FRMPD4: variants seen among roughly 807,000 people sequenced by gnomAD.
FRMPD4 encodes FERM and PDZ domain containing 4, also known as FERM and PDZ domain-containing protein 4.
A neutral mutation model predicts 94.1 loss-of-function variants in FRMPD4; 22 were observed. That is an observed-to-expected ratio of 0.23 (90% CI 0.17 to 0.33). The LOEUF is 0.33. Among genes scored for constraint, FRMPD4 ranks in the 10% least tolerant of loss-of-function variants. The pLI, the probability that FRMPD4 is intolerant of heterozygous loss-of-function variation, is 1.00. For missense variants in FRMPD4, 1,111 were observed against 1,339.9 expected (o/e 0.83, Z 2.67); for synonymous variants, 631 against 548.6 (o/e 1.15, Z -2.10).
intron 2 of FRMPD4, among the ~76,000 whole-genome samples, chrX:12,587,645 A>AGT (rs56902110): frequency 3.6e-3 from 378 of 103,956 alleles, no homozygotes; most frequent in East Asian, 0.016. Flanking sequence ...TTCCATTATG[A>AGT]GTGTGTGTGT....
At chrX:12,004,749 C>A (rs1224765632) in intron 3 of FRMPD4, among the ~76,000 whole-genome samples, 46 of 107,503 alleles carry the variant, frequency 4.3e-4, no homozygotes, top group Non-Finnish European at 2.7e-4. Flanking sequence ...CTGCCTCTCA[C>A]TGCCAGGGGT....
intron 3 of FRMPD4, among the ~76,000 whole-genome samples, chrX:12,031,764 G>A (rs1049703815): frequency 6.3e-5 from 7 of 111,898 alleles, no homozygotes; most frequent in Non-Finnish European, 7.5e-5. Flanking sequence ...TACGTAATCA[G>A]GTGTGTATTT....
In FRMPD4 at chrX:12,317,600, A is replaced by C. The variant is rs779470207; in HGVS notation, c.41+178588A>C. 1.5e-4 allele frequency among the ~76,000 whole-genome samples: 16 copies of C among 105,487 alleles called. No individual in the cohort carries two copies. In the South Asian group the frequency reaches 3.9e-3, roughly 26 times the overall value. 91.6% of individuals were successfully genotyped at this position (105,487 alleles called of 115,157 possible). ...AACTAAATAGCAAAAAAAAAAAAAA[A>C]AAACAAAAAAAACAAAAACCCAAGT... On this transcript the variant is annotated intron_variant, in intron 1 of 16. Transcript: ENST00000675598.
chrX:12,528,327 T>G (rs987485293), intron 2 of FRMPD4, among the ~76,000 whole-genome samples: 4 of 100,151 alleles, frequency 4.0e-5, no homozygotes, highest in Non-Finnish European at 8.1e-5. Flanking sequence ...TTGTTTTTTT[T>G]TTTTTTTTTT....
intron 2 of FRMPD4, among the ~76,000 whole-genome samples, chrX:12,584,124 C>A: frequency 8.9e-6 from 1 of 112,231 alleles, no homozygotes; most frequent in Non-Finnish European, 1.9e-5. Flanking sequence ...TTCCTCAAAG[C>A]CCCTTGAACC....
intron 1 of FRMPD4, among the ~76,000 whole-genome samples, chrX:12,170,830 A>G (rs2056207658): frequency 8.9e-6 from 1 of 112,921 alleles, no homozygotes. Context: ...CCTGTACATA[A>G]CATAAATGGC....
At chrX:12,012,194 C>T (rs957203082) in intron 3 of FRMPD4, among the ~76,000 whole-genome samples, 6 of 111,673 alleles carry the variant, frequency 5.4e-5, no homozygotes, top group African/African-American at 2.0e-4. Context: ...CCACTGCGCC[C>T]AGCCCTGAAT....
At chrX:12,650,317 G>GCATC (rs1279841118) in intron 4 of FRMPD4, among the ~76,000 whole-genome samples, 3 of 111,967 alleles carry the variant, frequency 2.7e-5, no homozygotes, top group African/African-American at 9.8e-5. Flanking sequence ...GCCACCTGAG[G>GCATC]CATCCTCTGT....
chrX:11,967,141 G>C (rs776789484), intron 3 of FRMPD4, among the ~76,000 whole-genome samples: 1 of 112,087 alleles, frequency 8.9e-6, no homozygotes, highest in African/African-American at 3.2e-5. Context: ...TTTGGAGATG[G>C]GATCTTGCTA....
At chrX:12,316,182 T>G (rs898387509) in intron 1 of FRMPD4, among the ~76,000 whole-genome samples, 1 of 111,978 alleles carries the variant, frequency 8.9e-6, no homozygotes, top group East Asian at 2.8e-4. Flanking sequence ...AGTCTCGTTC[T>G]GTTGCCCAGG....
At chrX:11,922,370 A>G (rs1391354558) in intron 3 of FRMPD4, among the ~76,000 whole-genome samples, 1 of 111,510 alleles carries the variant, frequency 9.0e-6, no homozygotes, top group Non-Finnish European at 1.9e-5. Context: ...GTCACTGACG[A>G]TCACAAGGAC....
chrX:12,025,937 T>C (rs920547087), intron 3 of FRMPD4, among the ~76,000 whole-genome samples: 8 of 111,893 alleles, frequency 7.1e-5, no homozygotes, highest in Non-Finnish European at 9.4e-5. Flanking sequence ...AATAATGACA[T>C]AATAAATGTT....
chrX:12,390,703 T>C lies in FRMPD4; in HGVS notation c.42-107977T>C, dbSNP rs148803885. On this transcript the variant is annotated intron_variant, in intron 1 of 16. Transcript: ENST00000675598. ...TGACACAAAATCTGACATTACCTTA[T>C]GATGTTTGTCACTTTTTTTCTGTAC... Among the ~76,000 whole-genome samples the C allele has an allele frequency of 2.0e-3, 219 of 112,030 alleles. 4 individuals carry two copies. The East Asian group carries it at 0.044, about 23-fold the overall frequency.
chrX:12,577,369 G>GTGAGGCTTAGGAAGGCTTTTGGGT (rs1440928558), intron 2 of FRMPD4, among the ~76,000 whole-genome samples: 5 of 110,951 alleles, frequency 4.5e-5, no homozygotes, highest in Non-Finnish European at 7.6e-5. Context: ...TATTTCTAGA[G>GTGAGGCTTAGGAAGGCTTTTGGGT]TGAGGCTTAG....
chrX:11,840,195 T>G (rs1441963292), intron 1 of FRMPD4, among the ~76,000 whole-genome samples: 2 of 111,414 alleles, frequency 1.8e-5, no homozygotes, highest in Non-Finnish European at 3.8e-5. Context: ...GTGTGTCAAT[T>G]TATGAATATG....
chrX:11,841,915 C>G (rs1208389421), intron 1 of FRMPD4, among the ~76,000 whole-genome samples: 6 of 110,071 alleles, frequency 5.5e-5, no homozygotes, highest in Non-Finnish European at 1.1e-4. Flanking sequence ...ATCTTGAATT[C>G]ATTTTTGTAT....
chrX:12,032,843 T>C (rs956397635), intron 3 of FRMPD4, among the ~76,000 whole-genome samples: 1 of 112,525 alleles, frequency 8.9e-6, no homozygotes, highest in African/African-American at 3.2e-5. Context: ...TGAGAACTTC[T>C]TGCTTCTCTG....
chrX:12,180,109 A>C (rs1487299144), intron 1 of FRMPD4, among the ~76,000 whole-genome samples: 1 of 111,335 alleles, frequency 9.0e-6, no homozygotes, highest in African/African-American at 3.3e-5. Context: ...AGACTTCACT[A>C]TTCCTTAGTG....
chrX:12,431,589 C>T (rs1162527013), intron 1 of FRMPD4, among the ~76,000 whole-genome samples: 1 of 111,950 alleles, frequency 8.9e-6, no homozygotes, highest in Admixed American at 9.4e-5. Flanking sequence ...TGTCCATTCC[C>T]ATGAGATTTG....
Sources: gnomAD v4.1 joint callset for allele counts (sites outside exome capture counted in the v4.1 genomes callset) on GRCh38, gnomAD v4.1.1 for gene constraint, MANE v1.5 for transcripts, NCBI Gene and HGNC (gene_info 2026-07-23, HGNC 2026-07-21) for gene names.